Variants in SMYD3 observed in about 807,000 individuals in gnomAD.
SMYD3 encodes the protein SET and MYND domain containing 3.
SMYD3 carries 36 observed loss-of-function variants against 57.7 expected under a neutral mutation model. That is an observed-to-expected ratio of 0.62 (90% confidence interval 0.48 to 0.82). The LOEUF (loss-of-function observed/expected upper bound fraction) is 0.82, where lower values mean the gene tolerates loss of function less well. Ranked by LOEUF, SMYD3 falls within the 40% of genes least tolerant of loss-of-function variation. SMYD3 has a pLI of 0.00. For synonymous variants in SMYD3, 211 were observed against 195.0 expected (o/e 1.08, Z -0.68); for missense variants, 515 against 538.8 (o/e 0.96, Z 0.44).
chr1:246,431,072 G>A (rs931702678), intron 1 of SMYD3, among the ~76,000 whole-genome samples: 1 of 152,168 alleles, frequency 6.6e-6, no homozygotes, highest in Admixed American at 6.5e-5. Flanking sequence ...TCCACACAGG[G>A]AGGTCAGAAA....
chr1:246,336,613 C>A (rs915705915), intron 2 of SMYD3, among the ~76,000 whole-genome samples: 3 of 152,102 alleles, frequency 2.0e-5, no homozygotes, highest in African/African-American at 7.2e-5. Context: ...AAGGAAAGCA[C>A]GCTAGCATTT....
At chr1:246,236,428 T>C (rs947975920) in intron 5 of SMYD3, among the ~76,000 whole-genome samples, 12 of 151,912 alleles carry the variant, frequency 7.9e-5, no homozygotes, top group Admixed American at 3.3e-4. Flanking sequence ...ATTTATTTAT[T>C]TTTTGAGATG....
At chr1:245,977,041 TCGTCTCCGGCCC>T (rs1397249266) in intron 5 of SMYD3, among the ~76,000 whole-genome samples, 1,215 of 113,372 alleles carry the variant, frequency 0.011, 350 homozygotes, top group African/African-American at 0.015. Context: ...GGGAAAGCCA[TCGTCTCCGGCCC>T]AGGGAAAGCC....
intron 1 of SMYD3, among the ~76,000 whole-genome samples, chr1:246,367,618 G>C (rs530686978): frequency 6.6e-6 from 1 of 152,086 alleles, no homozygotes; most frequent in Non-Finnish European, 1.5e-5. Context: ...TTTTAGTAGA[G>C]ATGGGGTTTC....
At chr1:245,756,756 C>G (rs1473641711) in intron 11 of SMYD3, among the ~76,000 whole-genome samples, 1 of 149,582 alleles carries the variant, frequency 6.7e-6, no homozygotes, top group Non-Finnish European at 1.5e-5. Context: ...AATTGTTTTT[C>G]CTGTACAGGT....
rs889434588 is a variant in SMYD3 at position 246,468,412 on chromosome 1, G to A, written c.164+38642C>T. ...TCCCAGAACTCTGGGAGGTTGAGGC[G>A]GGCAAATCGCTTGGGCTCAGGAGTT... On this transcript the variant is annotated intron_variant, in intron 1 of 11. Coordinates refer to ENST00000490107, the MANE Select transcript of SMYD3 (RefSeq NM_001167740.2). Among the ~76,000 whole-genome samples, 7 of 151,740 alleles carry A rather than the reference G, an allele frequency of 4.6e-5. No homozygotes were observed. The East Asian group carries it at 7.8e-4, about 17-fold the overall frequency.
At chr1:246,307,522 C>A (rs2065003945) in intron 5 of SMYD3, among the ~76,000 whole-genome samples, 1 of 150,612 alleles carries the variant, frequency 6.6e-6, no homozygotes, top group African/African-American at 2.4e-5. Flanking sequence ...CGGGTTCACG[C>A]CATTCTCCTG....
In SMYD3 at chr1:246,474,599, T is replaced by C. The variant is rs532541755; in HGVS notation, c.164+32455A>G. On this transcript the variant is annotated intron_variant, in intron 1 of 11. Transcript: ENST00000490107. ...TTTTTAAACTGACACTAAACAATTA[T>C]TAACATCAAATAAATTCTATGTATA... Among the ~76,000 whole-genome samples, 107 of 151,704 alleles carry C rather than the reference T, an allele frequency of 7.1e-4. 2 individuals carry two copies. The South Asian group carries it at 9.0e-3, about 13-fold the overall frequency.
intron 10 of SMYD3, 23 bp from the exon 11 acceptor site, chr1:245,764,172 C>G: frequency 1.3e-6 from 2 of 1,510,872 alleles, no homozygotes; most frequent in Non-Finnish European, 1.8e-6. Context: ...AAACGGCAAA[C>G]AGTGTCAGCA....
At chr1:246,490,526 C>T (rs753751811) in intron 1 of SMYD3, among the ~76,000 whole-genome samples, 1 of 152,128 alleles carries the variant, frequency 6.6e-6, no homozygotes, top group Non-Finnish European at 1.5e-5. Context: ...ACTAATAAAA[C>T]CTAATAACCA....
chr1:245,938,487 GTC>G (rs2057074123), intron 5 of SMYD3, among the ~76,000 whole-genome samples: 1 of 152,214 alleles, frequency 6.6e-6, no homozygotes, highest in Non-Finnish European at 1.5e-5. Context: ...CAAGAAATGA[GTC>G]TCTGAGGTCA....
chr1:245,993,619 TAGATAGATAGATAGAC>T lies in SMYD3; in HGVS notation c.532-63698_532-63683del, dbSNP rs1478295189. ...ATAGATAGATAGATAGATAGATAGA[TAGATAGATAGATAGAC>T]AGACAGACAGACAGACAGACAGACA... On this transcript the variant is annotated intron_variant, in intron 5 of 11. Transcript: ENST00000490107. Among the ~76,000 whole-genome samples, 122 of 82,464 alleles carry T rather than the reference TAGATAGATAGATAGAC, an allele frequency of 1.5e-3. 1 individual carries two copies. Among genetic ancestry groups the T allele is most frequent in the African/African-American group, 4.3e-3 (120 of 27,628 alleles). 54.1% of individuals were successfully genotyped at this position (82,464 alleles called of 152,430 possible). A position where few individuals can be genotyped will look rare whatever the true frequency, so the allele number is the denominator to read the frequency against.
At chr1:246,250,976 G>A (rs1397453931) in intron 5 of SMYD3, among the ~76,000 whole-genome samples, 1 of 152,076 alleles carries the variant, frequency 6.6e-6, no homozygotes, top group Non-Finnish European at 1.5e-5. Context: ...AATTTTTGTG[G>A]GTACATAGTA....
At chr1:246,338,250 T>C (rs2065575985) in intron 2 of SMYD3, among the ~76,000 whole-genome samples, 1 of 152,200 alleles carries the variant, frequency 6.6e-6, no homozygotes, top group East Asian at 1.9e-4. Flanking sequence ...CATCTTACCA[T>C]AAGGGTTACG....
chr1:246,300,007 T>A (rs1340647726), intron 5 of SMYD3, among the ~76,000 whole-genome samples: 1 of 150,952 alleles, frequency 6.6e-6, no homozygotes, highest in East Asian at 1.9e-4. Context: ...CCCCTGAACT[T>A]AAAATTAAAG....
At chr1:246,211,743 CT>C (rs1458494528) in intron 5 of SMYD3, among the ~76,000 whole-genome samples, 1 of 152,014 alleles carries the variant, frequency 6.6e-6, no homozygotes, top group Non-Finnish European at 1.5e-5. Flanking sequence ...AATAAAGAAA[CT>C]TGATACTTGC....
intron 5 of SMYD3, among the ~76,000 whole-genome samples, chr1:246,075,696 G>A (rs913053821): frequency 3.3e-5 from 5 of 152,104 alleles, no homozygotes; most frequent in Non-Finnish European, 7.4e-5. Context: ...TGGTAAATAC[G>A]TAGGGAAGTA....
At chr1:246,004,852 A>AT (rs902574963) in intron 5 of SMYD3, among the ~76,000 whole-genome samples, 32 of 150,512 alleles carry the variant, frequency 2.1e-4, no homozygotes, top group South Asian at 2.1e-3. Context: ...AGGGATAATA[A>AT]TTTTTTTTTT....
intron 11 of SMYD3, among the ~76,000 whole-genome samples, chr1:245,763,460 G>C (rs2045940399): frequency 1.3e-5 from 2 of 152,216 alleles, no homozygotes; most frequent in Non-Finnish European, 2.9e-5. Context: ...GCCAAGCCCA[G>C]GGGGTTGTGA....
Sources: allele counts gnomAD v4.1 joint callset (sites outside exome capture counted in the v4.1 genomes callset), GRCh38; gene constraint gnomAD v4.1.1; transcripts MANE v1.5; gene names NCBI Gene and HGNC (gene_info 2026-07-23, HGNC 2026-07-21).